NID2: variants seen among roughly 807,000 people sequenced by gnomAD.
NID2 encodes nidogen-2.
A neutral mutation model predicts 145.4 loss-of-function variants in NID2; 83 were observed. The ratio of observed to expected loss-of-function variants is 0.57; its 90% confidence interval spans 0.48 to 0.69. The LOEUF (loss-of-function observed/expected upper bound fraction) is 0.69. Among genes scored for constraint, NID2 ranks in the 30% least tolerant of loss-of-function variants. NID2 has a pLI of 0.00. For missense variants in NID2, 1,807 were observed against 1,765.7 expected, an observed-to-expected ratio of 1.02 and a Z score of -0.42; for synonymous variants, 739 against 701.3, an observed-to-expected ratio of 1.05 and a Z score of -0.85.
At position 52,069,054 on chromosome 14, in the gene NID2, C is replaced by T; in HGVS notation, c.-60G>A. On this transcript the variant is annotated 5_prime_UTR_variant, in exon 1 of 22. It adds an upstream start codon to the 5' untranslated region. Coordinates refer to ENST00000216286, the MANE Select transcript of NID2 (RefSeq NM_007361.4). ...GCGTCCCGCCCCGGCCTCCAGCCCA[C>T]TCTCCGCGCCGCGCCAGCCTCGAAC... The T allele has an allele frequency of 7.3e-7, 1 of 1,374,908 alleles. No individual in the cohort carries two copies. Among genetic ancestry groups the T allele is most frequent in the Non-Finnish European group, 9.9e-7 (1 of 1,009,780 alleles). The allele number at this position is 1,374,908 out of a possible 1,614,324, so 85.2% of individuals were successfully genotyped here. A position where few individuals can be genotyped will look rare whatever the true frequency, so the allele number is the denominator to read the frequency against.
At chr14:52,054,367 TCCATTCA>T in intron 3 of NID2, 46 bp from the exon 4 acceptor site, 2 of 1,556,538 alleles carry the variant, frequency 1.3e-6, no homozygotes, top group Non-Finnish European at 1.7e-6. Flanking sequence ...AACAAAAGTG[TCCATTCA>T]CCCACCTTCC....
At position 52,054,257 on chromosome 14, in the gene NID2, T is replaced by G; in HGVS notation, c.832A>C (p.Asn278His). The change falls in exon 4 of 22, where the codon AAT (asparagine) becomes CAT (histidine). Residue 278 changes from asparagine (N) to histidine (H), a missense_variant. Coordinates refer to ENST00000216286, the MANE Select transcript of NID2 (RefSeq NM_007361.4). ...FHIGSTSPLD[N>H]VRPAAVGDLS... ...TCTCCAACTGCAGCTGGCCTGACAT[T>G]GTCCAACGGGGAAGTGCTGCCGATA... 6.2e-7 allele frequency: 1 copy of G among 1,614,158 alleles called. No homozygotes were observed. Among genetic ancestry groups the G allele is most frequent in the Non-Finnish European group, 8.5e-7 (1 of 1,180,024 alleles).
chr14:52,020,081 C>T lies in NID2; in HGVS notation c.2772G>A (p.Gly924=). The T allele has an allele frequency of 6.2e-7, 1 of 1,614,048 alleles. No homozygotes were observed. Among genetic ancestry groups the T allele is most frequent in the Non-Finnish European group, 8.5e-7 (1 of 1,179,934 alleles). ...FSCRCQPGYY[G]DGFQCIPDST... ...TACCAGGTATGCACTGAAATCCATC[C>T]CCATAATATCCGGGTTGACAACGGC... Residue 924 remains glycine (G), a synonymous_variant, in exon 13 of 22, where the codon GGG becomes GGA. Coordinates refer to ENST00000216286, the MANE Select transcript of NID2 (RefSeq NM_007361.4).
chr14:52,052,935 G>A (rs1417500730), intron 5 of NID2, among the ~76,000 whole-genome samples: 2 of 152,142 alleles, frequency 1.3e-5, no homozygotes, highest in African/African-American at 4.8e-5. Flanking sequence ...GCCTGCTTTC[G>A]CCATCTCCCT....
At chr14:52,017,382 A>G (rs959458675) in intron 14 of NID2, among the ~76,000 whole-genome samples, 28 of 152,112 alleles carry the variant, frequency 1.8e-4, no homozygotes, top group African/African-American at 6.8e-4. Flanking sequence ...CCCTCCCTCA[A>G]GCTGACCCCA....
chr14:52,043,008 G>T (rs1343354172), intron 5 of NID2, 77 bp from the exon 6 acceptor site: 2 of 1,407,512 alleles, frequency 1.4e-6, no homozygotes, highest in African/African-American at 1.4e-5. Context: ...CACAACATCT[G>T]CTCCATAGAA....
intron 12 of NID2, among the ~76,000 whole-genome samples, chr14:52,021,079 A>G (rs113423971): frequency 6.6e-6 from 1 of 152,184 alleles, no homozygotes; most frequent in African/African-American, 2.4e-5. Flanking sequence ...GGATGAGATA[A>G]GCTACTTTAA....
At chr14:52,042,372 T>C in intron 6 of NID2, 22 bp from the exon 7 acceptor site, 1 of 1,595,672 alleles carries the variant, frequency 6.3e-7, no homozygotes, top group Admixed American at 1.7e-5. Context: ...CAAATCCAGT[T>C]AGGCTTGGAC....
Position 52,005,425 on chromosome 14 carries a change from A to G in NID2, c.*61T>C. ...TTTTACTTTCTTTGCCTTTGCAGTC[A>G]CTGTTCTTTAGGGTCCAGGTTCTGA... On this transcript the variant is annotated 3_prime_UTR_variant, in exon 22 of 22. Transcript: ENST00000216286. 6.8e-7 allele frequency: 1 copy of G among 1,466,800 alleles called. No homozygotes were observed. Among genetic ancestry groups the G allele is most frequent in the Non-Finnish European group, 9.1e-7 (1 of 1,098,174 alleles). 90.9% of individuals were successfully genotyped at this position (1,466,800 alleles called of 1,614,324 possible). A position where few individuals can be genotyped will look rare whatever the true frequency, so the allele number is the denominator to read the frequency against.
At chr14:52,055,940 T>TG (rs1892829676) in intron 3 of NID2, among the ~76,000 whole-genome samples, 2 of 91,036 alleles carry the variant, frequency 2.2e-5, no homozygotes, top group Non-Finnish European at 3.1e-5. Flanking sequence ...CTTGTGTGTG[T>TG]TTGTGTGTGT....
At chr14:52,034,583 T>C (rs1200830818) in intron 9 of NID2, among the ~76,000 whole-genome samples, 2 of 152,232 alleles carry the variant, frequency 1.3e-5, no homozygotes, top group African/African-American at 4.8e-5. Context: ...GGGATTCTCA[T>C]TACAAGTCAC....
intron 9 of NID2, among the ~76,000 whole-genome samples, chr14:52,035,854 G>GTATATATATATA (rs1222696644): frequency 5.5e-5 from 2 of 36,074 alleles, no homozygotes; most frequent in Admixed American, 2.4e-4. Context: ...AAATTTTTTT[G>GTATATATATATA]TGTATATATA....
chr14:52,028,531 C>G (rs1043020264), intron 11 of NID2, 191 bp downstream of exon 11: 4 of 517,614 alleles, frequency 7.7e-6, no homozygotes, highest in Admixed American at 4.0e-5. Context: ...CTGCCTCAGC[C>G]TTCCAAAGCG....
rs1157797535 is a variant in NID2, at chr14:52,005,821, T to TATGTTTATTTAC, written c.4021_4032dup (p.Val1341_His1344dup). 6.2e-7 allele frequency: 1 copy of TATGTTTATTTAC among 1,612,946 alleles called. No individual in the cohort carries two copies. The highest frequency in any genetic ancestry group is 1.3e-5 in the African/African-American group (1 of 74,888). On this transcript the variant is annotated inframe_insertion, in exon 21 of 22. Transcript: ENST00000216286. The stretch of plus-strand genomic sequence containing the variant: ...AGATACTCATCAGTAAACTGGCCAC[T>TATGTTTATTTAC]ATGTTTATTTACTGATACAACACCA...
intron 3 of NID2, among the ~76,000 whole-genome samples, chr14:52,054,740 A>T (rs573577391): frequency 6.6e-6 from 1 of 152,200 alleles, no homozygotes; most frequent in Non-Finnish European, 1.5e-5. Flanking sequence ...GGCTATTAAG[A>T]TCAGGTTCAG....
At chr14:52,060,668 T>C (rs1892998828) in intron 2 of NID2, among the ~76,000 whole-genome samples, 1 of 152,260 alleles carries the variant, frequency 6.6e-6, no homozygotes, top group African/African-American at 2.4e-5. Flanking sequence ...TTCAAACTTC[T>C]CTCATGTAAA....
At position 52,028,708 on chromosome 14, in the gene NID2, A is replaced by G; in HGVS notation, c.2530+14T>C. The G allele has an allele frequency of 6.2e-7, 1 of 1,609,282 alleles. No individual in the cohort carries two copies. ...ACCATTTTGGCCACACAGGAAAATG[A>G]TTTTGGAACTCACAGATGCAAGTAT... On this transcript the variant is annotated intron_variant, in intron 11 of 21. Transcript: ENST00000216286.
In NID2 at chr14:52,027,249, T is replaced by C; in HGVS notation, c.2626A>G (p.Ser876Gly). 6.3e-7 allele frequency: 1 copy of C among 1,588,832 alleles called. No individual in the cohort carries two copies. The highest frequency in any genetic ancestry group is 8.6e-7 in the Non-Finnish European group (1 of 1,168,090). ...GCATAACCAGGCAGGCAGGCACAGCTGAACGTGCTGCCTCCATGGTGAACA... is the reference window on the plus strand; with the variant it reads ...GCATAACCAGGCAGGCAGGCACAGCCGAACGTGCTGCCTCCATGGTGAACA... ...RCVHHGGSTFSCACLPGYAGD... is the reference protein window; with the variant it reads ...RCVHHGGSTFGCACLPGYAGD... The change falls in exon 12 of 22, where the codon AGC becomes GGC. Residue 876 changes from serine (S) to glycine (G), a missense_variant. Transcript: ENST00000216286.
At chr14:52,011,338 T>C (rs576020109) in intron 17 of NID2, among the ~76,000 whole-genome samples, 1 of 152,318 alleles carries the variant, frequency 6.6e-6, no homozygotes, top group South Asian at 2.1e-4. Context: ...ATGAATTCTT[T>C]TAAGAAGTGC....
Sources: allele counts gnomAD v4.1 joint callset (sites outside exome capture counted in the v4.1 genomes callset), GRCh38; gene constraint gnomAD v4.1.1; transcripts MANE v1.5; gene names NCBI Gene and HGNC (gene_info 2026-07-23, HGNC 2026-07-21).